The following NSUN7 variants were observed in gnomAD, a reference collection of about 807,000 sequenced individuals.
NSUN7 encodes protein NSUN7.
In NSUN7, 39 loss-of-function variants were observed where a neutral mutation model predicts 58.5. The observed-to-expected ratio is 0.67, with a 90% CI of 0.52 to 0.87. NSUN7 has a LOEUF of 0.87. Ranked by LOEUF, NSUN7 falls within the 40% of genes least tolerant of loss-of-function variation. NSUN7 has a pLI of 0.00. For missense variants in NSUN7, 765 were observed against 844.1 expected, an observed-to-expected ratio of 0.91 and a Z score of 1.16; for synonymous variants, 278 against 303.7, an observed-to-expected ratio of 0.92 and a Z score of 0.88.
Position 40,792,613 on chromosome 4 carries a change from A to T in NSUN7, c.1181-1762A>T, listed in dbSNP as rs527928463. Among the ~76,000 whole-genome samples the T allele has an allele frequency of 6.2e-4, 95 of 152,118 alleles. 1 individual carries two copies. The highest frequency in any genetic ancestry group is 2.9e-3 in the South Asian group (14 of 4,820). Reference sequence around the variant, plus strand: ...AAAAATACAAAAAATTAGCCGGGCGAGGTGGCGGGCGCCTGTAGTCCCAGC... The same window carrying T: ...AAAAATACAAAAAATTAGCCGGGCGTGGTGGCGGGCGCCTGTAGTCCCAGC... On this transcript the variant is annotated intron_variant, in intron 8 of 11. Coordinates refer to ENST00000381782, the MANE Select transcript of NSUN7 (RefSeq NM_024677.6).
At chr4:40,803,187 T>C (rs577245682) in intron 10 of NSUN7, among the ~76,000 whole-genome samples, 8 of 152,258 alleles carry the variant, frequency 5.3e-5, no homozygotes, top group African/African-American at 7.2e-5. Context: ...AGTCTATCAT[T>C]GTTGGACATT....
chr4:40,782,199 T>TAAA (rs1295390565), intron 7 of NSUN7, among the ~76,000 whole-genome samples: 1 of 152,172 alleles, frequency 6.6e-6, no homozygotes, highest in Non-Finnish European at 1.5e-5. Flanking sequence ...ATCCTTTTTA[T>TAAA]AACATCAAAA....
In NSUN7 at chr4:40,807,089, TC is replaced by T. The variant is rs1743836145; in HGVS notation, c.1431del (p.Leu478Ter). On this transcript the variant is annotated frameshift_variant, in exon 11 of 12. Transcript: ENST00000381782. LOFTEE classifies it high-confidence loss of function. ...TAGTCCTCCTGTTCTTCCACTGTGC[TC>T]CTTAAAGGAAATTCAATTGTCTACT... is the stretch of plus-strand genomic sequence containing the variant. ...RLSPPVLPLC[S>X]LKEIQLSTDK... 1.3e-6 allele frequency: 2 copies of T among 1,551,678 alleles called. No homozygotes were observed.
chr4:40,760,490 A>G lies in NSUN7; in HGVS notation c.355A>G (p.Ile119Val), dbSNP rs758554645. ...IDSCIFPSTT[I>V]PDHLSSLIIV... ...CAGCTGTATCTTCCCAAGTACCACA[A>G]TAGTAAGTAGATAAGTTTTAGAATT... The change falls in exon 3 of 12, where the codon ATA becomes GTA. Residue 119 changes from isoleucine to valine, a missense_variant and splice_region_variant. Physicochemically the swap from Ile to Val is conservative, Grantham distance 29. Transcript: ENST00000381782. 3 of 1,590,340 alleles carry G rather than the reference A, an allele frequency of 1.9e-6. No homozygotes were observed. The highest frequency in any genetic ancestry group is 3.4e-5 in the Admixed American group (2 of 58,458).
chr4:40,796,476 C>CA lies in NSUN7; in HGVS notation c.1282+2006dup, dbSNP rs528058676. On this transcript the variant is annotated intron_variant, in intron 9 of 11. Transcript: ENST00000381782. ...ACAACATAGTGAGACCCTGCCTCTA[C>CA]AAAAAATAAAAAAAGTTATCTAGGC... Among the ~76,000 whole-genome samples the CA allele has an allele frequency of 3.3e-3, 500 of 151,836 alleles. 3 individuals are homozygous for CA. The highest frequency in any genetic ancestry group is 0.012 in the African/African-American group (483 of 41,360).
intron 7 of NSUN7, among the ~76,000 whole-genome samples, chr4:40,784,913 C>T (rs1742737529): frequency 6.6e-6 from 1 of 152,106 alleles, no homozygotes. Flanking sequence ...GCAAGTTAAC[C>T]AAGCTAACAT....
Position 40,790,744 on chromosome 4 carries a change from A to C in NSUN7, c.1179A>C (p.Glu393Asp), listed in dbSNP as rs1375661170. Residue 393 changes from glutamate (E) to aspartate (D), a missense_variant and splice_region_variant, in exon 8 of 12, where the codon GAA (glutamate) becomes GAC (aspartate). Physicochemically the swap from Glu to Asp is conservative, Grantham distance 45 (BLOSUM62 2). Transcript: ENST00000381782. ...TAGAATTTATTTTAAATGAACATGA[A>C]GGTACTTGTTTTAATTTCTAAATTA... ...NPVEFILNEH[E>D]DTEFLKDHSQ... is the part of the protein sequence containing the mutation. 1.9e-6 allele frequency: 3 copies of C among 1,569,832 alleles called. No individual in the cohort carries two copies. The highest frequency in any genetic ancestry group is 2.6e-6 in the Non-Finnish European group (3 of 1,163,218).
chr4:40,755,023 G>A (rs781489151), intron 2 of NSUN7, among the ~76,000 whole-genome samples: 23 of 152,178 alleles, frequency 1.5e-4, no homozygotes, highest in Admixed American at 2.6e-4. Context: ...AACGAAGGTA[G>A]AATTACTAAT....
In NSUN7 at chr4:40,808,663, G is replaced by A. The variant is rs776255633; in HGVS notation, c.1881G>A (p.Pro627=). Residue 627 remains proline, a synonymous_variant, in exon 12 of 12, where the codon CCG becomes CCA. Transcript: ENST00000381782. ...TGAAGAACACTTGTCCCTCCAGACC[G>A]CGTGAACGGCAGACACACTTCTTAA... is the stretch of plus-strand genomic sequence containing the variant. ...AFVKNTCPSR[P]RERQTHFLRP... is the part of the protein sequence containing the mutation. 4.9e-5 allele frequency: 76 copies of A among 1,551,700 alleles called. No individual in the cohort carries two copies. Among genetic ancestry groups the A allele is most frequent in the South Asian group, 2.0e-4 (17 of 84,026 alleles).
At chr4:40,756,910 T>C (rs1184815000) in intron 2 of NSUN7, among the ~76,000 whole-genome samples, 2 of 152,076 alleles carry the variant, frequency 1.3e-5, no homozygotes, top group Non-Finnish European at 2.9e-5. Flanking sequence ...GTGTTTTACT[T>C]TCAGTATTTA....
At chr4:40,777,535 C>T (rs1287509528) in intron 7 of NSUN7, among the ~76,000 whole-genome samples, 7 of 152,072 alleles carry the variant, frequency 4.6e-5, no homozygotes, top group African/African-American at 1.7e-4. Context: ...AGGCTGGTCT[C>T]GAACTCCTGA....
Position 40,808,753 on chromosome 4 carries a change from T to G in NSUN7, c.1971T>G (p.Phe657Leu). ...KPIKIVLPPVFMPFSSPQGIR... is the reference protein window; with the variant it reads ...KPIKIVLPPVLMPFSSPQGIR... ...TCAAGATTGTTCTGCCTCCAGTCTT[T>G]ATGCCATTTTCAAGTCCCCAAGGGA... is the stretch of plus-strand genomic sequence containing the variant. The change falls in exon 12 of 12, where the codon TTT (phenylalanine) becomes TTG (leucine). Residue 657 changes from phenylalanine (F) to leucine (L), a missense_variant. Physicochemically the swap from Phe to Leu is conservative, Grantham distance 22. Transcript: ENST00000381782. 1 of 1,549,910 alleles carries G rather than the reference T, an allele frequency of 6.5e-7. No homozygotes were observed. The highest frequency in any genetic ancestry group is 8.7e-7 in the Non-Finnish European group (1 of 1,146,666).
chr4:40,751,216 A>T (rs968445383), intron 2 of NSUN7, among the ~76,000 whole-genome samples: 1 of 152,122 alleles, frequency 6.6e-6, no homozygotes, highest in Non-Finnish European at 1.5e-5. Context: ...TTGTCCTTAG[A>T]TCGGTGTAGT....
At chr4:40,783,698 A>G (rs1742680327) in intron 7 of NSUN7, among the ~76,000 whole-genome samples, 1 of 152,136 alleles carries the variant, frequency 6.6e-6, no homozygotes, top group Non-Finnish European at 1.5e-5. Flanking sequence ...AATTACAAAA[A>G]TTAGCCGGGA....
At chr4:40,752,730 AT>A (rs1740899147) in intron 2 of NSUN7, among the ~76,000 whole-genome samples, 1 of 152,072 alleles carries the variant, frequency 6.6e-6, no homozygotes, top group African/African-American at 2.4e-5. Flanking sequence ...CCCCATCTCT[AT>A]TTTTTAAAAT....
At chr4:40,768,195 T>C (rs1741827426) in intron 4 of NSUN7, among the ~76,000 whole-genome samples, 1 of 142,758 alleles carries the variant, frequency 7.0e-6, no homozygotes, top group Non-Finnish European at 1.5e-5. Flanking sequence ...AGACTAATTC[T>C]TTTTTTTTCT....
rs377763995 is a variant in NSUN7, at chr4:40,750,656, C to T, written c.-38C>T. 24 of 1,601,292 alleles carry T rather than the reference C, an allele frequency of 1.5e-5. No homozygotes were observed. The highest frequency in any genetic ancestry group is 2.0e-5 in the Non-Finnish European group (23 of 1,172,664). Reference sequence around the variant, plus strand: ...GTTTCCTGGAACATCGGAATTCTAACCCCAGGGTGAAGGACTCACGACAGG... The same window carrying T: ...GTTTCCTGGAACATCGGAATTCTAATCCCAGGGTGAAGGACTCACGACAGG... On this transcript the variant is annotated 5_prime_UTR_variant, in exon 2 of 12. Coordinates refer to ENST00000381782, the MANE Select transcript of NSUN7 (RefSeq NM_024677.6).
At chr4:40,806,813 A>G (rs1743823341) in intron 10 of NSUN7, among the ~76,000 whole-genome samples, 1 of 152,152 alleles carries the variant, frequency 6.6e-6, no homozygotes, top group Non-Finnish European at 1.5e-5. Context: ...AACATTTGTT[A>G]TTCTTGGCAT....
intron 10 of NSUN7, among the ~76,000 whole-genome samples, chr4:40,805,273 T>A (rs1560566130): frequency 6.6e-6 from 1 of 152,100 alleles, no homozygotes; most frequent in Non-Finnish European, 1.5e-5. Context: ...TAGGCTGAAG[T>A]CTCTGGAGGC....
Sources: gnomAD v4.1 joint callset for allele counts (sites outside exome capture counted in the v4.1 genomes callset) on GRCh38, gnomAD v4.1.1 for gene constraint, MANE v1.5 for transcripts, NCBI Gene and HGNC (gene_info 2026-07-23, HGNC 2026-07-21) for gene names.